Variants in BEAN1 observed in about 807,000 individuals in gnomAD.
BEAN1 encodes the protein brain expressed associated with NEDD4 1, also known as protein BEAN1.
A neutral mutation model predicts 17.7 loss-of-function variants in BEAN1; 17 were observed. The observed-to-expected ratio is 0.96, with a 90% CI of 0.66 to 1.44. The LOEUF (loss-of-function observed/expected upper bound fraction) is 1.44, where lower values mean the gene tolerates loss of function less well. Ranked by LOEUF, BEAN1 falls within the 40% of genes most tolerant of loss-of-function variation. The pLI is 0.00. For missense variants in BEAN1, 359 were observed against 374.1 expected (o/e 0.96, Z 0.33); for synonymous variants, 142 against 151.8 (o/e 0.94, Z 0.47).
intron 2 of BEAN1, among the ~76,000 whole-genome samples, chr16:66,456,177 C>T (rs1178662960): frequency 6.6e-6 from 1 of 152,232 alleles, no homozygotes; most frequent in Non-Finnish European, 1.5e-5. Context: ...GATGACATGG[C>T]CTTCACACAA....
Position 66,479,820 on chromosome 16 carries a change from G to A in BEAN1, c.441-766G>A, listed in dbSNP as rs564486267. Among the ~76,000 whole-genome samples the A allele has an allele frequency of 1.9e-3, 293 of 152,218 alleles. 1 individual carries two copies. The highest frequency in any genetic ancestry group is 6.5e-3 in the African/African-American group (270 of 41,528). ...ACAGGTGGAGCTTGTGGCCAGGAGGGCCCTGTGCCTGTGATCATGCCCACA... is the reference window on the plus strand; with the variant it reads ...ACAGGTGGAGCTTGTGGCCAGGAGGACCCTGTGCCTGTGATCATGCCCACA... On this transcript the variant is annotated intron_variant, in intron 4 of 4. Coordinates refer to ENST00000536005, the MANE Select transcript of BEAN1 (RefSeq NM_001178020.3).
At chr16:66,459,131 GT>G (rs1412230849) in intron 2 of BEAN1, among the ~76,000 whole-genome samples, 1 of 152,196 alleles carries the variant, frequency 6.6e-6, no homozygotes, top group Non-Finnish European at 1.5e-5. Flanking sequence ...GGCAGAGGCC[GT>G]GGGCTCAGCT....
intron 1 of BEAN1, among the ~76,000 whole-genome samples, chr16:66,437,143 G>A (rs888882748): frequency 6.6e-6 from 1 of 152,114 alleles, no homozygotes; most frequent in African/African-American, 2.4e-5. Flanking sequence ...TGGGCTAGGT[G>A]TCAATGAACA....
rs1239114481 is a variant in BEAN1 at position 66,473,458 on chromosome 16, A to G, written c.289+3593A>G. Among the ~76,000 whole-genome samples the G allele has an allele frequency of 3.9e-5, 6 of 152,100 alleles. No homozygotes were observed. Among genetic ancestry groups the G allele is most frequent in the Admixed American group, 2.6e-4 (4 of 15,282 alleles). On this transcript the variant is annotated intron_variant, in intron 3 of 4. Coordinates refer to ENST00000536005, the MANE Select transcript of BEAN1 (RefSeq NM_001178020.3). The surrounding 1 kb of genome is among the most constrained non-coding windows in gnomAD (Gnocchi z 4.5). The stretch of plus-strand genomic sequence containing the variant: ...CCCATATCTTCCCCCAGCCTTCTGG[A>G]GGATGCGCAGGGGCTGCCGGGAGCC...
intron 4 of BEAN1, among the ~76,000 whole-genome samples, chr16:66,490,409 TAAAA>T: frequency 9.3e-6 from 1 of 107,882 alleles, no homozygotes; most frequent in Non-Finnish European, 1.8e-5. Context: ...TAAAATAAAA[TAAAA>T]TAAAATAAAA....
intron 2 of BEAN1, among the ~76,000 whole-genome samples, chr16:66,445,271 T>C (rs923812567): frequency 6.6e-6 from 1 of 150,724 alleles, no homozygotes; most frequent in Non-Finnish European, 1.5e-5. Context: ...GGTCAGGAGA[T>C]TGAGACCATC....
At chr16:66,490,402 AAT>A (rs1491482060) in intron 4 of BEAN1, among the ~76,000 whole-genome samples, 3 of 103,690 alleles carry the variant, frequency 2.9e-5, no homozygotes, top group East Asian at 3.0e-4. Flanking sequence ...GTTTCAATAA[AAT>A]AAAATAAAAT....
intron 2 of BEAN1, among the ~76,000 whole-genome samples, chr16:66,455,804 A>T (rs942317033): frequency 6.6e-6 from 1 of 151,832 alleles, no homozygotes; most frequent in Non-Finnish European, 1.5e-5. Context: ...CTCCCACCTC[A>T]GCCTCCCAAT....
chr16:66,480,601 G>T lies in BEAN1; in HGVS notation c.456G>T (p.Val152=), dbSNP rs1490780201. ...PDSPPGYEEC[V]GPGATQLYVP... ...TCTCTCGTAGCTACGAGGAGTGTGT[G>T]GGGCCAGGGGCCACTCAGCTGTATG... is the stretch of plus-strand genomic sequence containing the variant. Residue 152 remains valine (V), a synonymous_variant, in exon 5 of 5, where the codon GTG becomes GTT. Coordinates refer to ENST00000536005, the MANE Select transcript of BEAN1 (RefSeq NM_001178020.3). 1 of 1,540,880 alleles carries T rather than the reference G, an allele frequency of 6.5e-7. No homozygotes were observed. Among genetic ancestry groups the T allele is most frequent in the Non-Finnish European group, 8.8e-7 (1 of 1,138,852 alleles).
In BEAN1 at chr16:66,434,386, G is replaced by A. The variant is rs756921443; in HGVS notation, c.-82-3209G>A. 2.4e-4 allele frequency among the ~76,000 whole-genome samples: 36 copies of A among 152,244 alleles called. No individual in the cohort carries two copies. Among genetic ancestry groups the A allele is most frequent in the Non-Finnish European group, 4.4e-4 (30 of 68,016 alleles). ...CCAGCTCCTTTGTCTTGATGACCCC[G>A]ACAAAGCTCTACCCTAGCAGAGGGT... On this transcript the variant is annotated intron_variant, in intron 1 of 4. Coordinates refer to ENST00000536005, the MANE Select transcript of BEAN1 (RefSeq NM_001178020.3). The surrounding 1 kb of genome is among the most constrained non-coding windows in gnomAD (Gnocchi z 4.3).
Position 66,477,628 on chromosome 16 carries a change from T to G in BEAN1, c.358T>G (p.Trp120Gly). ...MRYACSSSED[W>G]PPPLDISSDG... The stretch of plus-strand genomic sequence containing the variant: ...CTATGCCTGCAGCTCCTCAGAGGAC[T>G]GGCCCCCACCCTTGGACATCAGCTC... Residue 120 changes from tryptophan to glycine, a missense_variant, in exon 4 of 5, where the codon TGG becomes GGG. Coordinates refer to ENST00000536005, the MANE Select transcript of BEAN1 (RefSeq NM_001178020.3). 1 of 1,551,310 alleles carries G rather than the reference T, an allele frequency of 6.4e-7. No individual in the cohort carries two copies. The highest frequency in any genetic ancestry group is 8.7e-7 in the Non-Finnish European group (1 of 1,146,842).
At chr16:66,489,781 G>C (rs1373702246) in intron 4 of BEAN1, among the ~76,000 whole-genome samples, 1 of 151,806 alleles carries the variant, frequency 6.6e-6, no homozygotes, top group Non-Finnish European at 1.5e-5. Flanking sequence ...CATGCTGGAG[G>C]GGGCTACATA....
At chr16:66,474,607 AGGGAGGG>A (rs1567505199) in intron 3 of BEAN1, among the ~76,000 whole-genome samples, 10 of 9,954 alleles carry the variant, frequency 1.0e-3, no homozygotes, top group African/African-American at 7.7e-4. Flanking sequence ...GGAGGGAGAG[AGGGAGGG>A]AGGAAGGGAG....
chr16:66,449,752 G>C (rs1962601246), intron 2 of BEAN1, among the ~76,000 whole-genome samples: 1 of 152,032 alleles, frequency 6.6e-6, no homozygotes, highest in Admixed American at 6.6e-5. Context: ...AGTATGTGTG[G>C]CTATTATACA....
chr16:66,442,306 A>G (rs887135477), intron 2 of BEAN1, among the ~76,000 whole-genome samples: 5 of 152,072 alleles, frequency 3.3e-5, no homozygotes, highest in African/African-American at 1.2e-4. Context: ...ATGCTTCACA[A>G]CCTCTTTCTG....
intron 2 of BEAN1, chr16:66,437,966 A>T: frequency 3.4e-6 from 2 of 580,352 alleles, no homozygotes; most frequent in Non-Finnish European, 6.2e-6. Flanking sequence ...CCTCTGAGGG[A>T]TGTTAATGGG....
intron 2 of BEAN1, among the ~76,000 whole-genome samples, chr16:66,444,206 C>T (rs1180214020): frequency 6.6e-6 from 1 of 152,170 alleles, no homozygotes; most frequent in Non-Finnish European, 1.5e-5. Context: ...CCACCATGCC[C>T]CAAGGAAGGG....
Position 66,480,827 on chromosome 16 carries a change from C to T in BEAN1, c.682C>T (p.Leu228=). The T allele has an allele frequency of 1.3e-6, 2 of 1,534,696 alleles. No homozygotes were observed. Among genetic ancestry groups the T allele is most frequent in the Non-Finnish European group, 1.8e-6 (2 of 1,136,902 alleles). Residue 228 remains leucine (L), a synonymous_variant, in exon 5 of 5, where the codon CTG becomes TTG. Transcript: ENST00000536005. ...GTGCGGGGCTGGCCCCCCATCAGGC[C>T]TGCTGCCACTGCCGGGCCCAGACCC... ...AVCGAGPPSG[L]LPLPGPDPGP... is the part of the protein sequence containing the mutation.
chr16:66,480,942 G>A lies in BEAN1; in HGVS notation c.*17G>A, dbSNP rs1398905767. Reference sequence around the variant, plus strand: ...ATTGTGTGAGGGACCCAGCCAGCCGGGTCCTGCTGGTCCCTACAGGCTGAA... The same window carrying A: ...ATTGTGTGAGGGACCCAGCCAGCCGAGTCCTGCTGGTCCCTACAGGCTGAA... On this transcript the variant is annotated 3_prime_UTR_variant, in exon 5 of 5. Coordinates refer to ENST00000536005, the MANE Select transcript of BEAN1 (RefSeq NM_001178020.3). 1.4e-6 allele frequency: 2 copies of A among 1,419,448 alleles called. No homozygotes were observed. The highest frequency in any genetic ancestry group is 9.3e-7 in the Non-Finnish European group (1 of 1,075,680). 87.9% of individuals were successfully genotyped at this position (1,419,448 alleles called of 1,614,324 possible). A position where few individuals can be genotyped will look rare whatever the true frequency, so the allele number is the denominator to read the frequency against.
Sources: allele counts gnomAD v4.1 joint callset (sites outside exome capture counted in the v4.1 genomes callset), GRCh38; gene constraint gnomAD v4.1.1; non-coding constraint Gnocchi (gnomAD v3.1); transcripts MANE v1.5; gene names NCBI Gene and HGNC (gene_info 2026-07-23, HGNC 2026-07-21).